The following BMPR1B variants were observed in gnomAD, a reference collection of about 807,000 sequenced individuals.
The protein encoded by BMPR1B is bone morphogenetic protein receptor type 1B.
Under a neutral mutation model 59.1 loss-of-function variants are expected in BMPR1B, and 12 were observed. The observed-to-expected ratio is 0.20, with a 90% CI of 0.13 to 0.33. The LOEUF is 0.33. Among genes scored for constraint, BMPR1B ranks in the 10% least tolerant of loss-of-function variants. The pLI is 1.00. For synonymous variants in BMPR1B, 237 were observed against 207.3 expected (o/e 1.14, Z -1.23); for missense variants, 550 against 610.9 (o/e 0.90, Z 1.05).
intron 1 of BMPR1B, among the ~76,000 whole-genome samples, chr4:94,873,700 G>T (rs1005308011): frequency 1.3e-5 from 2 of 152,162 alleles, no homozygotes; most frequent in Admixed American, 6.5e-5. Context: ...GAGCTGCCGT[G>T]CCCGGCCCGA....
At chr4:94,764,424 C>T (rs376069912) in intron 1 of BMPR1B, among the ~76,000 whole-genome samples, 3 of 152,162 alleles carry the variant, frequency 2.0e-5, no homozygotes, top group Admixed American at 6.5e-5. Flanking sequence ...CTGGTAATCT[C>T]GAATAACTTC....
chr4:94,926,263 C>T (rs1230762273), intron 2 of BMPR1B, among the ~76,000 whole-genome samples: 3 of 151,720 alleles, frequency 2.0e-5, no homozygotes, highest in East Asian at 1.9e-4. Context: ...TGGTGCTTTT[C>T]GTTCTGAATA....
At chr4:94,862,295 A>G (rs1726016822) in intron 1 of BMPR1B, among the ~76,000 whole-genome samples, 1 of 151,574 alleles carries the variant, frequency 6.6e-6, no homozygotes, top group South Asian at 2.1e-4. Context: ...CACTACAGGC[A>G]TGCGCCACCA....
At chr4:94,788,851 C>A (rs1156501653) in intron 1 of BMPR1B, among the ~76,000 whole-genome samples, 4 of 152,202 alleles carry the variant, frequency 2.6e-5, no homozygotes, top group Non-Finnish European at 4.4e-5. Context: ...CAAGCCTGAG[C>A]AACTTGCTCT....
At chr4:94,988,241 G>A (rs28498932) in intron 2 of BMPR1B, among the ~76,000 whole-genome samples, 24,450 of 152,018 alleles carry the variant, frequency 0.16, 2,494 homozygotes, top group Non-Finnish European at 0.23. Flanking sequence ...AAAAGAAATT[G>A]AAGTACTGAT....
chr4:94,863,841 G>A (rs4623010), intron 1 of BMPR1B, among the ~76,000 whole-genome samples: 18,342 of 152,164 alleles, frequency 0.12, 1,149 homozygotes, highest in Non-Finnish European at 0.14. Flanking sequence ...GTGCATTCCC[G>A]AAACCGTATC....
chr4:95,083,742 T>C (rs1310519745), intron 3 of BMPR1B, among the ~76,000 whole-genome samples: 2 of 152,190 alleles, frequency 1.3e-5, no homozygotes, highest in Non-Finnish European at 2.9e-5. Context: ...AAGGGTTTGG[T>C]TTACCACTCT....
chr4:94,867,306 C>T (rs574435498), intron 1 of BMPR1B, among the ~76,000 whole-genome samples: 3 of 152,296 alleles, frequency 2.0e-5, no homozygotes, highest in East Asian at 3.9e-4. Context: ...GTTCCATAGA[C>T]ACCTCAAACT....
intron 9 of BMPR1B, 98 bp downstream of exon 9, chr4:95,130,152 C>G (rs892738370): frequency 1.4e-6 from 2 of 1,423,916 alleles, no homozygotes; most frequent in East Asian, 2.4e-5. Context: ...AGACCCGTTG[C>G]GAAATGTATT....
intron 3 of BMPR1B, among the ~76,000 whole-genome samples, chr4:95,038,498 A>G (rs1725424544): frequency 6.6e-6 from 1 of 152,168 alleles, no homozygotes; most frequent in African/African-American, 2.4e-5. Flanking sequence ...CAACACAAAG[A>G]GATAATGTTA....
intron 2 of BMPR1B, among the ~76,000 whole-genome samples, chr4:94,910,587 A>T (rs1014606880): frequency 6.6e-6 from 1 of 152,040 alleles, no homozygotes; most frequent in Non-Finnish European, 1.5e-5. Context: ...GCTTATTTCT[A>T]TTGTACCGTG....
chr4:94,793,116 A>G (rs1295172059), intron 1 of BMPR1B, among the ~76,000 whole-genome samples: 1 of 152,012 alleles, frequency 6.6e-6, no homozygotes, highest in Non-Finnish European at 1.5e-5. Flanking sequence ...CGCTGCACCC[A>G]CTATCTCGTC....
intron 1 of BMPR1B, among the ~76,000 whole-genome samples, chr4:94,804,563 A>T (rs548159894): frequency 6.7e-6 from 1 of 149,772 alleles, no homozygotes; most frequent in South Asian, 2.1e-4. Context: ...TATTTGAATA[A>T]CTTTTCATAT....
In BMPR1B at chr4:95,100,200, T is replaced by C. The variant is rs558259825; in HGVS notation, c.-17-4208T>C. 7.2e-5 allele frequency among the ~76,000 whole-genome samples: 11 copies of C among 152,282 alleles called. No individual in the cohort carries two copies. The South Asian group carries it at 2.1e-3, about 29-fold the overall frequency. ...TACCTATTCCATCTTTTTTCTTGTT[T>C]ATACCTTCATTTGGAAGGAATATCT... On this transcript the variant is annotated intron_variant, in intron 3 of 12. Coordinates refer to ENST00000515059, the MANE Select transcript of BMPR1B (RefSeq NM_001203.3).
At chr4:95,002,158 C>T (rs6821072) in intron 3 of BMPR1B, among the ~76,000 whole-genome samples, 76,480 of 151,914 alleles carry the variant, frequency 0.5, 20,037 homozygotes, top group South Asian at 0.65. Flanking sequence ...TGGTAGTCTC[C>T]AGTTTCTGTT....
intron 1 of BMPR1B, among the ~76,000 whole-genome samples, chr4:94,777,615 T>C (rs1037787770): frequency 2.0e-5 from 3 of 152,192 alleles, no homozygotes; most frequent in African/African-American, 7.2e-5. Flanking sequence ...CCTTTTTTGA[T>C]ATGCAAAATG....
chr4:94,764,905 A>AG (rs1370627683), intron 1 of BMPR1B, among the ~76,000 whole-genome samples: 1 of 152,126 alleles, frequency 6.6e-6, no homozygotes, highest in African/African-American at 2.4e-5. Flanking sequence ...AGGACTGGGA[A>AG]GGGGGCAGGA....
At chr4:95,146,389 A>G (rs1202444259) in intron 10 of BMPR1B, among the ~76,000 whole-genome samples, 2 of 152,208 alleles carry the variant, frequency 1.3e-5, no homozygotes, top group African/African-American at 2.4e-5. Context: ...TTTTAATTCT[A>G]TTATTAGGTC....
intron 1 of BMPR1B, among the ~76,000 whole-genome samples, chr4:94,780,005 T>G (rs1722529112): frequency 6.6e-6 from 1 of 152,208 alleles, no homozygotes; most frequent in African/African-American, 2.4e-5. Flanking sequence ...TTACATTTGT[T>G]GATTTCATAA....
Sources: gnomAD v4.1 joint callset for allele counts (sites outside exome capture counted in the v4.1 genomes callset) on GRCh38, gnomAD v4.1.1 for gene constraint, MANE v1.5 for transcripts, NCBI Gene and HGNC (gene_info 2026-07-23, HGNC 2026-07-21) for gene names.